The following CDR2L variants were observed in gnomAD, a reference collection of about 807,000 sequenced individuals.
CDR2L encodes the protein cerebellar degeneration related protein 2 like.
In CDR2L, 19 loss-of-function variants were observed where a neutral mutation model predicts 36.1. The observed-to-expected ratio is 0.53, with a 90% CI of 0.37 to 0.77. The LOEUF is 0.77. Ranked by LOEUF, CDR2L falls within the 30% of genes least tolerant of loss-of-function variation. The probability of loss-of-function intolerance (pLI) is 0.00; values close to 1 mark genes in which losing one functional copy is unlikely to be tolerated. For missense variants in CDR2L, 575 were observed against 627.2 expected, an observed-to-expected ratio of 0.92 and a Z score of 0.89; for synonymous variants, 285 against 280.4, an observed-to-expected ratio of 1.02 and a Z score of -0.16.
In CDR2L at chr17:75,004,238, C is replaced by G; in HGVS notation, c.*164C>G. 1 of 631,690 alleles carries G rather than the reference C, an allele frequency of 1.6e-6. No individual in the cohort carries two copies. Among genetic ancestry groups the G allele is most frequent in the Non-Finnish European group, 2.7e-6 (1 of 371,672 alleles). The allele number at this position is 631,690 out of a possible 1,614,324, so 39.1% of individuals were successfully genotyped here. On this transcript the variant is annotated 3_prime_UTR_variant, in exon 5 of 5. Coordinates refer to ENST00000337231, the MANE Select transcript of CDR2L (RefSeq NM_014603.3). Reference sequence around the variant, plus strand: ...CATGTTCCCTGCTGAGCGGAGGCAGCCCACCTGTCCTGCCTCCCAGGAGCC... The same window carrying G: ...CATGTTCCCTGCTGAGCGGAGGCAGGCCACCTGTCCTGCCTCCCAGGAGCC...
At chr17:74,996,375 C>T (rs1458636623) in intron 1 of CDR2L, among the ~76,000 whole-genome samples, 3 of 142,544 alleles carry the variant, frequency 2.1e-5, no homozygotes, top group Non-Finnish European at 4.5e-5. Context: ...ACCCGGGAGG[C>T]GGAGGTTGCA....
intron 1 of CDR2L, among the ~76,000 whole-genome samples, chr17:74,993,654 T>G (rs1194083586): frequency 2.6e-5 from 4 of 152,232 alleles, no homozygotes; most frequent in African/African-American, 9.6e-5. Context: ...TGCTCAAGGC[T>G]AAAAGTTCTT....
rs116990450 is a variant in CDR2L at position 75,004,264 on chromosome 17, C to G, written c.*190C>G. The G allele has an allele frequency of 1.5e-3, 873 of 579,878 alleles. 12 individuals carry two copies. The East Asian group carries it at 0.021, about 14-fold the overall frequency. The allele number at this position is 579,878 out of a possible 1,614,324, so 35.9% of individuals were successfully genotyped here. ...CCACCTGTCCTGCCTCCCAGGAGCCCTTGGCCACCTCGCGCCAGCCCAAAG... is the reference window on the plus strand; with the variant it reads ...CCACCTGTCCTGCCTCCCAGGAGCCGTTGGCCACCTCGCGCCAGCCCAAAG... On this transcript the variant is annotated 3_prime_UTR_variant, in exon 5 of 5. Transcript: ENST00000337231.
rs2039870025 is a variant in CDR2L, at chr17:75,002,052, C to T, written c.342-12C>T. The T allele has an allele frequency of 1.3e-6, 2 of 1,564,038 alleles. No homozygotes were observed. The highest frequency in any genetic ancestry group is 2.4e-5 in the South Asian group (2 of 83,518). On this transcript the variant is annotated splice_polypyrimidine_tract_variant and intron_variant, in intron 3 of 4. Transcript: ENST00000337231. This position sits in a 1 kb window ranked among gnomAD's most constrained non-coding sequence, Gnocchi z 4.1. Reference sequence around the variant, plus strand: ...CCTTAAAGTCCCTGTGTGTCCACCACCCCGCCCCCAGGCTGACGGAGACCA... The same window carrying T: ...CCTTAAAGTCCCTGTGTGTCCACCATCCCGCCCCCAGGCTGACGGAGACCA...
At chr17:75,003,046 G>C (rs1018250583) in intron 4 of CDR2L, 137 bp from the exon 5 acceptor site, 7 of 915,654 alleles carry the variant, frequency 7.6e-6, no homozygotes, top group African/African-American at 6.7e-5. Context: ...GAGAGCCAAC[G>C]GAGAGGGGCA....
rs1275723821 is a variant in CDR2L, at chr17:75,004,059, GCACAGCAGCAAGTGACC to G, written c.1385_*3del. The G allele has an allele frequency of 1.9e-6, 3 of 1,607,886 alleles. No homozygotes were observed. The highest frequency in any genetic ancestry group is 2.7e-5 in the African/African-American group (2 of 74,926). On this transcript the variant is annotated stop_lost and 3_prime_UTR_variant, in exon 5 of 5. Coordinates refer to ENST00000337231, the MANE Select transcript of CDR2L (RefSeq NM_014603.3). Reference sequence around the variant, plus strand: ...ACATCAACGCCACCAAAGTCAAGACGCACAGCAGCAAGTGACCCTTCTCCGGCCTGCAGCCTCCCCCA... The same window carrying G: ...ACATCAACGCCACCAAAGTCAAGACGCTTCTCCGGCCTGCAGCCTCCCCCA...
At chr17:74,997,064 C>T (rs138594897) in intron 1 of CDR2L, among the ~76,000 whole-genome samples, 367 of 5,754 alleles carry the variant, frequency 0.064, 24 homozygotes, top group East Asian at 0.43. Flanking sequence ...TTCTTTCTTT[C>T]TTTCTTTCTT....
At chr17:74,988,559 G>A (rs2039777774) in intron 1 of CDR2L, among the ~76,000 whole-genome samples, 1 of 152,206 alleles carries the variant, frequency 6.6e-6, no homozygotes, top group South Asian at 2.1e-4. Context: ...AAATCCAGCA[G>A]CACCCGTCCC....
At position 74,989,571 on chromosome 17, in the gene CDR2L, T is replaced by G. The variant is rs2039784616; in HGVS notation, c.79+1449T>G. The stretch of plus-strand genomic sequence containing the variant: ...CTAGGAATAGTCACAGCCCTGACCC[T>G]GAAGGTATACCCTGGCAGGTGAAGG... On this transcript the variant is annotated intron_variant, in intron 1 of 4. Transcript: ENST00000337231. The surrounding 1 kb of genome is among the most constrained non-coding windows in gnomAD (Gnocchi z 4.2). Among the ~76,000 whole-genome samples the G allele has an allele frequency of 6.6e-6, 1 of 152,162 alleles. No homozygotes were observed. Among genetic ancestry groups the G allele is most frequent in the African/African-American group, 2.4e-5 (1 of 41,426 alleles).
chr17:75,003,151 C>G, intron 4 of CDR2L, 32 bp from the exon 5 acceptor site: 1 of 1,549,686 alleles, frequency 6.5e-7, no homozygotes, highest in African/African-American at 1.4e-5. Flanking sequence ...CTCCTCCGCC[C>G]CCACCCCGCT....
rs866784921 is a variant in CDR2L, at chr17:75,003,451, C to A, written c.775C>A (p.Gln259Lys). ...AELLELQQMK[Q>K]AKTYLLGPDD... ...GCTGCTGGAGCTGCAGCAGATGAAG[C>A]AGGCCAAGACCTACCTACTGGGTCC... The change falls in exon 5 of 5, where the codon CAG becomes AAG. Residue 259 changes from glutamine to lysine, a missense_variant. Gln to Lys is a moderately conservative substitution (Grantham distance 53). Coordinates refer to ENST00000337231, the MANE Select transcript of CDR2L (RefSeq NM_014603.3). 1 of 1,577,612 alleles carries A rather than the reference C, an allele frequency of 6.3e-7. No individual in the cohort carries two copies.
chr17:74,991,954 G>A (rs2039799929), intron 1 of CDR2L, among the ~76,000 whole-genome samples: 1 of 152,128 alleles, frequency 6.6e-6, no homozygotes, highest in Admixed American at 6.5e-5. Flanking sequence ...GGCAACGGGA[G>A]GGAGGTCCTG....
intron 1 of CDR2L, among the ~76,000 whole-genome samples, chr17:74,988,898 A>G (rs2039779743): frequency 6.6e-6 from 1 of 152,130 alleles, no homozygotes; most frequent in Non-Finnish European, 1.5e-5. Flanking sequence ...AGGTGGCCGA[A>G]ATGACATCAC....
chr17:74,997,745 G>C (rs1598654999), intron 1 of CDR2L, among the ~76,000 whole-genome samples: 1 of 151,912 alleles, frequency 6.6e-6, no homozygotes, highest in African/African-American at 2.4e-5. Context: ...AAGAATTTTA[G>C]CCCAGGTGTG....
At position 75,002,228 on chromosome 17, in the gene CDR2L, G is replaced by T; in HGVS notation, c.506G>T (p.Arg169Leu). The T allele has an allele frequency of 6.2e-7, 1 of 1,605,990 alleles. No individual in the cohort carries two copies. Among genetic ancestry groups the T allele is most frequent in the African/African-American group, 1.3e-5 (1 of 74,808 alleles). The change falls in exon 4 of 5, where the codon CGG becomes CTG. Residue 169 changes from arginine (R) to leucine (L), a missense_variant and splice_region_variant. Arg to Leu is a moderately radical substitution (Grantham distance 102). Transcript: ENST00000337231. This position sits in a 1 kb window ranked among gnomAD's most constrained non-coding sequence, Gnocchi z 4.1. Reference protein sequence around the residue: ...PCLKELCTSPRCKDAFRLHSS... With the variant: ...PCLKELCTSPLCKDAFRLHSS... ...CTCAAGGAGCTGTGCACCAGCCCCCGGTAGGTGAGAGCACTGCTTGGTGTC... is the reference window on the plus strand; with the variant it reads ...CTCAAGGAGCTGTGCACCAGCCCCCTGTAGGTGAGAGCACTGCTTGGTGTC...
At chr17:74,991,894 C>G (rs2039799655) in intron 1 of CDR2L, among the ~76,000 whole-genome samples, 1 of 152,126 alleles carries the variant, frequency 6.6e-6, no homozygotes, top group East Asian at 1.9e-4. Context: ...CGTGCTGTCC[C>G]CGCCTGCCTA....
intron 2 of CDR2L, 51 bp from the exon 3 acceptor site, chr17:75,001,290 A>C (rs779203703): frequency 1.6e-4 from 248 of 1,545,956 alleles, no homozygotes; most frequent in Middle Eastern, 5.2e-4. Flanking sequence ...AGGCAGAGAC[A>C]TTTGCCCCTG....
intron 3 of CDR2L, 77 bp downstream of exon 3, chr17:75,001,566 G>A: frequency 5.4e-6 from 7 of 1,293,902 alleles, no homozygotes; most frequent in Non-Finnish European, 7.2e-6. Flanking sequence ...CCCATGGACT[G>A]ATGGGTGTGA....
chr17:74,998,372 CT>C (rs35308346), intron 1 of CDR2L, among the ~76,000 whole-genome samples: 140,685 of 150,628 alleles, frequency 0.93, 66,295 homozygotes, highest in East Asian at 1. Flanking sequence ...CACCACCTTT[CT>C]TTTTTTTTTA....
Sources: allele counts gnomAD v4.1 joint callset (sites outside exome capture counted in the v4.1 genomes callset), GRCh38; gene constraint gnomAD v4.1.1; non-coding constraint Gnocchi (gnomAD v3.1); transcripts MANE v1.5; gene names NCBI Gene and HGNC (gene_info 2026-07-23, HGNC 2026-07-21).